The following PARD3 variants were observed in gnomAD, a reference collection of about 807,000 sequenced individuals.
PARD3 encodes par-3 family cell polarity regulator.
A neutral mutation model predicts 155.4 loss-of-function variants in PARD3; 75 were observed. The ratio of observed to expected loss-of-function variants is 0.48; its 90% CI spans 0.40 to 0.58. The LOEUF (loss-of-function observed/expected upper bound fraction) is 0.58, where lower values mean the gene tolerates loss of function less well. Among genes scored for constraint, PARD3 ranks in the 20% least tolerant of loss-of-function variants. The probability of loss-of-function intolerance (pLI) is 0.00; values close to 1 mark genes in which losing one functional copy is unlikely to be tolerated. For missense variants in PARD3, 1,642 were observed against 1,721.7 expected, an observed-to-expected ratio of 0.95 and a Z score of 0.82; for synonymous variants, 576 against 610.5, an observed-to-expected ratio of 0.94 and a Z score of 0.83.
intron 22 of PARD3, among the ~76,000 whole-genome samples, chr10:34,225,990 A>G (rs1348750137): frequency 1.3e-5 from 2 of 152,202 alleles, no homozygotes; most frequent in Non-Finnish European, 2.9e-5. Flanking sequence ...AAAATAAAAA[A>G]TACATAAACA....
intron 1 of PARD3, among the ~76,000 whole-genome samples, chr10:34,800,073 T>A (rs539039303): frequency 1.3e-5 from 2 of 151,442 alleles, no homozygotes; most frequent in South Asian, 4.2e-4. Context: ...GAGGCTACAG[T>A]GAGCCATGAT....
chr10:34,725,737 G>A (rs982221531), intron 1 of PARD3, among the ~76,000 whole-genome samples: 4 of 152,188 alleles, frequency 2.6e-5, no homozygotes, highest in African/African-American at 7.2e-5. Context: ...AAGAACAAGT[G>A]AATTAGAAAG....
chr10:34,571,397 A>G (rs1360284190), intron 2 of PARD3, among the ~76,000 whole-genome samples: 1 of 152,216 alleles, frequency 6.6e-6, no homozygotes, highest in Non-Finnish European at 1.5e-5. Context: ...ACTTCTTCTT[A>G]TGCTGCTGAT....
At chr10:34,330,504 A>C (rs1466456830) in intron 19 of PARD3, among the ~76,000 whole-genome samples, 1 of 149,292 alleles carries the variant, frequency 6.7e-6, no homozygotes, top group Non-Finnish European at 1.5e-5. Flanking sequence ...GCAAAAAAAG[A>C]AAAAAAAAAT....
intron 1 of PARD3, among the ~76,000 whole-genome samples, chr10:34,723,825 G>C (rs540671582): frequency 7.9e-5 from 12 of 152,328 alleles, no homozygotes; most frequent in African/African-American, 2.9e-4. Context: ...TGCAGGACCA[G>C]GGATGGGGGC....
intron 22 of PARD3, among the ~76,000 whole-genome samples, chr10:34,176,227 A>G (rs1950026512): frequency 6.6e-6 from 1 of 152,222 alleles, no homozygotes. Context: ...GAAGAGTTAA[A>G]CAAATTTAAT....
intron 14 of PARD3, among the ~76,000 whole-genome samples, chr10:34,352,886 A>C (rs4367893): frequency 0.24 from 35,474 of 149,788 alleles, 5,210 homozygotes; most frequent in South Asian, 0.49. Context: ...CCGCCATCCC[A>C]TCTAGGAAGT....
chr10:34,386,861 G>A (rs9629909), intron 7 of PARD3, among the ~76,000 whole-genome samples: 10,796 of 151,048 alleles, frequency 0.071, 433 homozygotes, highest in African/African-American at 0.12. Context: ...CTATGATTCC[G>A]ATGAATGAGG....
At position 34,169,795 on chromosome 10, in the gene PARD3, T is replaced by C. The variant is rs181211004; in HGVS notation, c.3420-38212A>G. Among the ~76,000 whole-genome samples the C allele has an allele frequency of 4.1e-3, 629 of 152,270 alleles. 14 individuals carry two copies. The highest frequency in any genetic ancestry group is 0.028 in the Admixed American group (429 of 15,298). ...GCATTATGGCATTAAGTTCCGACAA[T>C]TGAATGAAGGTTCCCTGGATACCTC... On this transcript the variant is annotated intron_variant, in intron 22 of 24. Transcript: ENST00000374788.
intron 20 of PARD3, among the ~76,000 whole-genome samples, chr10:34,297,642 T>C (rs1956967603): frequency 6.6e-6 from 1 of 152,158 alleles, no homozygotes; most frequent in African/African-American, 2.4e-5. Flanking sequence ...TGTGGGTCTT[T>C]TTGGTTAAAT....
At chr10:34,671,141 G>A (rs1460422545) in intron 2 of PARD3, among the ~76,000 whole-genome samples, 1 of 152,182 alleles carries the variant, frequency 6.6e-6, no homozygotes, top group Non-Finnish European at 1.5e-5. Context: ...CGTTTAGGCT[G>A]CAACACACAG....
intron 18 of PARD3, among the ~76,000 whole-genome samples, chr10:34,333,029 C>A (rs1044747391): frequency 6.6e-6 from 1 of 152,066 alleles, no homozygotes; most frequent in Non-Finnish European, 1.5e-5. Flanking sequence ...CTGGAAAGAT[C>A]CTTTTGTGAA....
chr10:34,639,819 T>C (rs1461229672), intron 2 of PARD3, among the ~76,000 whole-genome samples: 1 of 151,986 alleles, frequency 6.6e-6, no homozygotes, highest in East Asian at 1.9e-4. Flanking sequence ...TGAGCTATAA[T>C]TGCAACACTG....
At chr10:34,161,075 C>G (rs1400609623) in intron 22 of PARD3, among the ~76,000 whole-genome samples, 1 of 151,816 alleles carries the variant, frequency 6.6e-6, no homozygotes, top group Admixed American at 6.6e-5. Context: ...GACCTCATCT[C>G]TACATAAAAA....
At chr10:34,261,781 A>AAAAAGAAAGAAAG (rs1554820301) in intron 22 of PARD3, among the ~76,000 whole-genome samples, 4 of 131,966 alleles carry the variant, frequency 3.0e-5, no homozygotes, top group Non-Finnish European at 4.7e-5. Flanking sequence ...AGAAAGAAAG[A>AAAAAGAAAGAAAG]AAAGAAAGAA....
intron 3 of PARD3, among the ~76,000 whole-genome samples, chr10:34,494,053 T>C (rs1382209735): frequency 6.6e-6 from 1 of 152,210 alleles, no homozygotes; most frequent in Non-Finnish European, 1.5e-5. Context: ...GAGAGCCGGC[T>C]ATTAAACATT....
intron 5 of PARD3, among the ~76,000 whole-genome samples, chr10:34,424,138 G>C (rs2075462732): frequency 6.6e-6 from 1 of 152,116 alleles, no homozygotes; most frequent in Non-Finnish European, 1.5e-5. Flanking sequence ...TAATAGAAAA[G>C]TCAAAGAGCA....
chr10:34,145,890 G>T (rs1162404977), intron 22 of PARD3, among the ~76,000 whole-genome samples: 1 of 152,100 alleles, frequency 6.6e-6, no homozygotes, highest in Admixed American at 6.6e-5. Context: ...GCTTCAGGGG[G>T]GTTTATGAAA....
intron 18 of PARD3, among the ~76,000 whole-genome samples, chr10:34,333,321 A>C (rs1450887774): frequency 1.3e-5 from 2 of 152,174 alleles, no homozygotes. Flanking sequence ...AAATGGCATG[A>C]GTATTCATTG....
Sources: allele counts gnomAD v4.1 joint callset (sites outside exome capture counted in the v4.1 genomes callset), GRCh38; gene constraint gnomAD v4.1.1; transcripts MANE v1.5; gene names NCBI Gene and HGNC (gene_info 2026-07-23, HGNC 2026-07-21).